Variants in EXOC4 observed in about 807,000 individuals in gnomAD.
The protein encoded by EXOC4 is SEC8-like 1.
In EXOC4, 71 loss-of-function variants were observed where a neutral mutation model predicts 107.2. That is an observed-to-expected ratio of 0.66 (90% confidence interval 0.55 to 0.81). EXOC4 has a LOEUF of 0.81. Among genes scored for constraint, EXOC4 ranks in the 30% least tolerant of loss-of-function variants. The pLI is 0.00. For missense variants in EXOC4, 1,108 were observed against 1,189.6 expected, an observed-to-expected ratio of 0.93 and a Z score of 1.01; for synonymous variants, 456 against 441.2, an observed-to-expected ratio of 1.03 and a Z score of -0.42.
At chr7:133,998,694 A>G (rs1041794738) in intron 15 of EXOC4, among the ~76,000 whole-genome samples, 2 of 152,188 alleles carry the variant, frequency 1.3e-5, no homozygotes, top group African/African-American at 4.8e-5. Context: ...TTCAGATGTC[A>G]TAGAAGCCAT....
At chr7:133,410,345 A>G (rs1006540944) in intron 7 of EXOC4, among the ~76,000 whole-genome samples, 1 of 152,226 alleles carries the variant, frequency 6.6e-6, no homozygotes, top group Non-Finnish European at 1.5e-5. Context: ...GTGCAGGGTT[A>G]TCAAATGAAC....
rs546803030 is a variant in EXOC4 at position 133,656,745 on chromosome 7, G to C, written c.1514+26604G>C. On this transcript the variant is annotated intron_variant, in intron 10 of 17. Transcript: ENST00000253861. ...AAATGAATCAGGTCTGACTTACTACGTATGATTTGTGCCAGTACACTAACA... is the reference window on the plus strand; with the variant it reads ...AAATGAATCAGGTCTGACTTACTACCTATGATTTGTGCCAGTACACTAACA... Among the ~76,000 whole-genome samples, 6 of 152,246 alleles carry C rather than the reference G, an allele frequency of 3.9e-5. No homozygotes were observed. In the South Asian group the frequency reaches 1.2e-3, roughly 32 times the overall value.
At chr7:133,641,233 T>G (rs1427655304) in intron 10 of EXOC4, among the ~76,000 whole-genome samples, 1 of 152,106 alleles carries the variant, frequency 6.6e-6, no homozygotes, top group African/African-American at 2.4e-5. Flanking sequence ...ATCCTTCTGG[T>G]CCCTAACAGG....
intron 7 of EXOC4, among the ~76,000 whole-genome samples, chr7:133,417,216 T>C (rs1251264012): frequency 6.6e-6 from 1 of 152,170 alleles, no homozygotes; most frequent in Non-Finnish European, 1.5e-5. Flanking sequence ...TTAATTCTGT[T>C]TTATCATAGG....
At chr7:133,777,308 AGAGAGAGAGAGAGAAT>A (rs1585137732) in intron 10 of EXOC4, among the ~76,000 whole-genome samples, 1 of 150,798 alleles carries the variant, frequency 6.6e-6, no homozygotes, top group African/African-American at 2.4e-5. Context: ...AGAGAGAGAG[AGAGAGAGAGAGAGAAT>A]ATATATATAT....
At chr7:133,558,714 G>A (rs1234931358) in intron 9 of EXOC4, among the ~76,000 whole-genome samples, 2 of 151,976 alleles carry the variant, frequency 1.3e-5, no homozygotes, top group East Asian at 3.9e-4. Flanking sequence ...ATATGACATA[G>A]ATATAAACTG....
intron 10 of EXOC4, among the ~76,000 whole-genome samples, chr7:133,742,935 G>C (rs1299921154): frequency 6.6e-6 from 1 of 152,166 alleles, no homozygotes; most frequent in Non-Finnish European, 1.5e-5. Flanking sequence ...GCCCTCTGGT[G>C]GCAAAGGCAC....
At chr7:133,778,690 CAA>C (rs1173266647) in intron 10 of EXOC4, among the ~76,000 whole-genome samples, 1 of 152,174 alleles carries the variant, frequency 6.6e-6, no homozygotes, top group Non-Finnish European at 1.5e-5. Context: ...ATCGTCTAAC[CAA>C]AGTTTCAGAG....
At chr7:133,635,630 T>C (rs1331529945) in intron 10 of EXOC4, among the ~76,000 whole-genome samples, 1 of 152,172 alleles carries the variant, frequency 6.6e-6, no homozygotes, top group Non-Finnish European at 1.5e-5. Context: ...ACAGGTGCAC[T>C]TAGCACCTCA....
chr7:133,387,266 A>G (rs1339028912), intron 7 of EXOC4, among the ~76,000 whole-genome samples: 1 of 152,222 alleles, frequency 6.6e-6, no homozygotes, highest in Non-Finnish European at 1.5e-5. Flanking sequence ...ATTTTGAAAG[A>G]TATGTCATGT....
intron 11 of EXOC4, among the ~76,000 whole-genome samples, chr7:133,844,378 CTTTTTTT>C (rs761535651): frequency 3.7e-4 from 31 of 83,382 alleles, no homozygotes; most frequent in East Asian, 1.2e-3. Context: ...CCACATATTC[CTTTTTTT>C]TTTTTTTTTT....
At chr7:133,582,894 A>G (rs959240615) in intron 9 of EXOC4, among the ~76,000 whole-genome samples, 1 of 152,224 alleles carries the variant, frequency 6.6e-6, no homozygotes, top group African/African-American at 2.4e-5. Flanking sequence ...GAAAAGTTGC[A>G]TTCTTTGCAG....
chr7:133,606,244 A>G (rs1200608650), intron 9 of EXOC4, among the ~76,000 whole-genome samples: 1 of 151,752 alleles, frequency 6.6e-6, no homozygotes, highest in East Asian at 1.9e-4. Flanking sequence ...CATGCCCTTT[A>G]CCTCATTCCT....
intron 10 of EXOC4, among the ~76,000 whole-genome samples, chr7:133,652,809 T>C (rs916988342): frequency 7.2e-5 from 11 of 152,332 alleles, no homozygotes; most frequent in Admixed American, 1.3e-4. Flanking sequence ...CAGTTTTACT[T>C]ACAAATAGAG....
At chr7:133,292,861 C>G (rs141660346) in intron 3 of EXOC4, among the ~76,000 whole-genome samples, 15 of 152,286 alleles carry the variant, frequency 9.8e-5, no homozygotes, top group African/African-American at 3.6e-4. Flanking sequence ...ATGTGGAAGA[C>G]TGTAATACCA....
chr7:133,613,141 C>T (rs1320252338), intron 9 of EXOC4, among the ~76,000 whole-genome samples: 1 of 152,004 alleles, frequency 6.6e-6, no homozygotes, highest in Non-Finnish European at 1.5e-5. Flanking sequence ...TGATATTAGT[C>T]TATTTTTATC....
chr7:133,256,142 C>T lies in EXOC4; in HGVS notation c.86+2955C>T, dbSNP rs183166857. On this transcript the variant is annotated intron_variant, in intron 1 of 17. Transcript: ENST00000253861. The stretch of plus-strand genomic sequence containing the variant: ...GACTACAGGCATGCGCCACCATACC[C>T]GACTAATGTTTTGTATTTTTAGTAG... Among the ~76,000 whole-genome samples, 100 of 152,184 alleles carry T rather than the reference C, an allele frequency of 6.6e-4. 1 individual carries two copies. Among genetic ancestry groups the T allele is most frequent in the Middle Eastern group, 3.4e-3 (1 of 294 alleles).
intron 7 of EXOC4, among the ~76,000 whole-genome samples, chr7:133,390,255 A>T (rs1025568821): frequency 6.6e-6 from 1 of 152,210 alleles, no homozygotes; most frequent in Admixed American, 6.5e-5. Flanking sequence ...CGTCAGCTTA[A>T]TCGGCTTTCT....
intron 10 of EXOC4, among the ~76,000 whole-genome samples, chr7:133,653,140 G>A (rs1342691026): frequency 6.6e-6 from 1 of 152,144 alleles, no homozygotes; most frequent in Admixed American, 6.5e-5. Context: ...TGTATGTAAT[G>A]TTTTTCTACA....
Sources: gnomAD v4.1 joint callset for allele counts (sites outside exome capture counted in the v4.1 genomes callset) on GRCh38, gnomAD v4.1.1 for gene constraint, MANE v1.5 for transcripts, NCBI Gene and HGNC (gene_info 2026-07-23, HGNC 2026-07-21) for gene names.